The following PIGF variants were observed in gnomAD, a reference collection of about 807,000 sequenced individuals.
PIGF encodes GPI ethanolamine phosphate transferase, stabilizing subunit.
PIGF carries 23 observed loss-of-function variants against 26.0 expected under a neutral mutation model. The observed-to-expected ratio is 0.88, with a 90% CI of 0.64 to 1.25. The LOEUF (loss-of-function observed/expected upper bound fraction) is 1.25. PIGF is among the 50% of genes most tolerant of loss of function. The pLI, the probability that PIGF is intolerant of heterozygous loss-of-function variation, is 0.00. For synonymous variants in PIGF, 93 were observed against 92.6 expected (o/e 1.00, Z -0.03); for missense variants, 278 against 249.9 (o/e 1.11, Z -0.76).
At chr2:46,593,194 G>A (rs1669778682) in intron 4 of PIGF, among the ~76,000 whole-genome samples, 1 of 150,052 alleles carries the variant, frequency 6.7e-6, no homozygotes, top group Non-Finnish European at 1.5e-5. Context: ...GTGCAATGGA[G>A]CGATCTCGGC....
Position 46,592,503 on chromosome 2 carries a change from A to C in PIGF, c.518T>G (p.Ile173Ser), listed in dbSNP as rs551030098. 3.7e-6 allele frequency: 6 copies of C among 1,602,136 alleles called. No homozygotes were observed. In the African/African-American group the frequency reaches 6.7e-5, roughly 18 times the overall value. ...FVGAWLGALP[I>S]PLDWERPWQV... ...CCATGGTCTTTCCCAATCCAGTGGA[A>C]TAGGAAGTGCTCCAAGCCATGCTCC... Residue 173 changes from isoleucine (I) to serine (S), a missense_variant, in exon 5 of 6, where the codon ATT (isoleucine) becomes AGT (serine). By Grantham distance (142) the Ile-to-Ser change is moderately radical. Transcript: ENST00000281382.
chr2:46,581,938 A>G (rs1360953385), intron 5 of PIGF: 1 of 194,872 alleles, frequency 5.1e-6, no homozygotes, highest in Admixed American at 5.6e-5. Context: ...TTTTTTTTTA[A>G]TTCCCACTTT....
At chr2:46,584,911 AATT>A (rs1669519257) in intron 5 of PIGF, among the ~76,000 whole-genome samples, 1 of 152,186 alleles carries the variant, frequency 6.6e-6, no homozygotes, top group Non-Finnish European at 1.5e-5. Context: ...ATTTTCTTAT[AATT>A]ATTCTAAAAA....
intron 1 of PIGF, 61 bp from the exon 2 acceptor site, chr2:46,615,246 G>A: frequency 4.2e-6 from 3 of 717,936 alleles, no homozygotes; most frequent in Non-Finnish European, 7.3e-6. Flanking sequence ...TGTCTTAAAT[G>A]TTTTGACCCC....
rs1670502280 is a variant in PIGF at position 46,613,731 on chromosome 2, G to A, written c.283C>T (p.His95Tyr). Residue 95 changes from histidine to tyrosine, a missense_variant, in exon 3 of 6, where the codon CAT (histidine) becomes TAT (tyrosine). Coordinates refer to ENST00000281382, the MANE Select transcript of PIGF (RefSeq NM_002643.4). ...GCTCCATACAGAACAAAAATTACAT[G>A]AAAGGAGAAACAAGACATAAGAAAG... ...IYFLMSCFSF[H>Y]VIFVLYGAPL... 4 of 1,557,926 alleles carry A rather than the reference G, an allele frequency of 2.6e-6. No individual in the cohort carries two copies. Among genetic ancestry groups the A allele is most frequent in the Non-Finnish European group, 3.5e-6 (4 of 1,135,992 alleles).
upstream of PIGF, chr2:46,617,041 G>GGCCCAC (rs1214882859): frequency 1.5e-5 from 9 of 607,486 alleles, no homozygotes; most frequent in Non-Finnish European, 2.6e-5. Context: ...GGGCGGCCCA[G>GGCCCAC]GCCCACGCGC....
chr2:46,599,236 T>C (rs1005146974), intron 4 of PIGF, among the ~76,000 whole-genome samples: 34 of 152,236 alleles, frequency 2.2e-4, no homozygotes, highest in African/African-American at 7.7e-4. Context: ...CTCCCTGCAC[T>C]GTTCAACTTC....
intron 3 of PIGF, 59 bp downstream of exon 3, chr2:46,613,635 C>A: frequency 7.8e-7 from 1 of 1,281,696 alleles, no homozygotes; most frequent in Non-Finnish European, 1.1e-6. Flanking sequence ...AGAATTAGCA[C>A]ACAGTTTGGT....
At chr2:46,605,465 G>C (rs139101224) in intron 4 of PIGF, among the ~76,000 whole-genome samples, 33 of 152,186 alleles carry the variant, frequency 2.2e-4, no homozygotes, top group African/African-American at 7.7e-4. Flanking sequence ...AGTAAGGACT[G>C]AAAGTATGAT....
At chr2:46,593,972 T>C (rs769098151) in intron 4 of PIGF, among the ~76,000 whole-genome samples, 10 of 152,234 alleles carry the variant, frequency 6.6e-5, no homozygotes, top group Non-Finnish European at 1.0e-4. Context: ...CTTGTTTCCA[T>C]TGAGAAGCAG....
At chr2:46,603,032 A>G (rs548292827) in intron 4 of PIGF, among the ~76,000 whole-genome samples, 2 of 152,216 alleles carry the variant, frequency 1.3e-5, no homozygotes, top group South Asian at 4.1e-4. Context: ...TACAAAATCA[A>G]CATACAAAAA....
At chr2:46,613,306 G>A (rs1670486070) in intron 3 of PIGF, among the ~76,000 whole-genome samples, 1 of 151,998 alleles carries the variant, frequency 6.6e-6, no homozygotes, top group Non-Finnish European at 1.5e-5. Context: ...GGAATCTATT[G>A]ACTTTTGTTA....
intron 4 of PIGF, among the ~76,000 whole-genome samples, chr2:46,594,107 T>C (rs1028834249): frequency 6.6e-6 from 1 of 152,246 alleles, no homozygotes; most frequent in Non-Finnish European, 1.5e-5. Flanking sequence ...TAGCATTCAA[T>C]AGAACAGAGA....
At position 46,615,035 on chromosome 2, in the gene PIGF, A is replaced by G. The variant is rs1323770232; in HGVS notation, c.130T>C (p.Leu44=). Residue 44 remains leucine (L), a synonymous_variant, in exon 2 of 6, where the codon TTG becomes CTG. Transcript: ENST00000281382. ...GTTACAAAACCAGAACAGATGCACA[A>G]CCATGTCAAGTGTGTTTCCAATATT... The part of the protein sequence containing the change: ...FSILETHLTW[L]CICSGFVTAV... The G allele has an allele frequency of 1.2e-6, 2 of 1,607,584 alleles. No individual in the cohort carries two copies. The highest frequency in any genetic ancestry group is 2.2e-5 in the East Asian group (1 of 44,788).
rs1388646114 is a variant in PIGF at position 46,608,236 on chromosome 2, A to C, written c.437+3992T>G. On this transcript the variant is annotated intron_variant, in intron 4 of 5. Transcript: ENST00000281382. ...TTTCAACAATATTCATGGCATCTTC[A>C]CCAGTAGATTCCATCTCAGGAGACC... Among the ~76,000 whole-genome samples, 3 of 152,178 alleles carry C rather than the reference A, an allele frequency of 2.0e-5. 1 individual carries two copies. Among genetic ancestry groups the C allele is most frequent in the East Asian group, 3.8e-4 (2 of 5,198 alleles).
At chr2:46,596,055 A>T (rs750709007) in intron 4 of PIGF, among the ~76,000 whole-genome samples, 72 of 152,188 alleles carry the variant, frequency 4.7e-4, no homozygotes, top group Non-Finnish European at 7.9e-4. Flanking sequence ...TCTACTAAAA[A>T]TACAAAAAAT....
intron 4 of PIGF, among the ~76,000 whole-genome samples, chr2:46,604,795 A>G (rs1371094279): frequency 1.3e-5 from 2 of 152,032 alleles, no homozygotes; most frequent in African/African-American, 2.4e-5. Context: ...AGTATTTGAT[A>G]GCAAAACAGG....
At chr2:46,593,663 G>A (rs3768725) in intron 4 of PIGF, among the ~76,000 whole-genome samples, 1 of 151,920 alleles carries the variant, frequency 6.6e-6, no homozygotes, top group Non-Finnish European at 1.5e-5. Context: ...ACTTCATCAT[G>A]TAGAACAGGA....
At chr2:46,599,407 T>C (rs759780665) in intron 4 of PIGF, among the ~76,000 whole-genome samples, 1 of 152,166 alleles carries the variant, frequency 6.6e-6, no homozygotes, top group Non-Finnish European at 1.5e-5. Context: ...TTGGGTATTT[T>C]AGAGGCACTA....
Sources: gnomAD v4.1 joint callset for allele counts (sites outside exome capture counted in the v4.1 genomes callset) on GRCh38, gnomAD v4.1.1 for gene constraint, MANE v1.5 for transcripts, NCBI Gene and HGNC (gene_info 2026-07-23, HGNC 2026-07-21) for gene names.